TAFA2: variants seen among roughly 807,000 people sequenced by gnomAD.
TAFA2 encodes the protein TAFA chemokine like family member 2.
TAFA2 carries 7 observed loss-of-function variants against 18.8 expected under a neutral mutation model. The ratio of observed to expected loss-of-function variants is 0.37; its 90% CI spans 0.21 to 0.70. The LOEUF is 0.70. TAFA2 is among the 30% of genes least tolerant of loss of function. The pLI is 0.53. For synonymous variants in TAFA2, 60 were observed against 54.2 expected (o/e 1.11, Z -0.47); for missense variants, 122 against 158.1 (o/e 0.77, Z 1.23).
intron 1 of TAFA2, among the ~76,000 whole-genome samples, chr12:62,026,550 C>T (rs17654475): frequency 0.11 from 16,394 of 152,132 alleles, 1,034 homozygotes; most frequent in Non-Finnish European, 0.14. Context: ...TGTACACTTC[C>T]TTGTTTTTCT....
chr12:61,801,576 A>T (rs1043887834), intron 2 of TAFA2, among the ~76,000 whole-genome samples: 2 of 151,960 alleles, frequency 1.3e-5, no homozygotes, highest in African/African-American at 4.8e-5. Context: ...ATGAAACCAA[A>T]CCCCTATCTC....
chr12:61,736,907 AATAAAT>A (rs1159625894), intron 4 of TAFA2, among the ~76,000 whole-genome samples: 2 of 152,026 alleles, frequency 1.3e-5, no homozygotes, highest in African/African-American at 4.8e-5. Context: ...TCAAGTTGCT[AATAAAT>A]GTTAAAGTTT....
chr12:62,234,967 C>A, intron 1 of TAFA2: 1 of 694,956 alleles, frequency 1.4e-6, no homozygotes, highest in Non-Finnish European at 2.7e-6. Flanking sequence ...ATGGTCGAGG[C>A]CAACAATGTT....
At chr12:62,239,510 TG>T (rs891127837) in intron 1 of TAFA2, among the ~76,000 whole-genome samples, 1 of 152,198 alleles carries the variant, frequency 6.6e-6, no homozygotes, top group African/African-American at 2.4e-5. Context: ...GGTGGACAAT[TG>T]TGACTAGTTC....
At chr12:61,928,252 A>G (rs1322851884) in intron 1 of TAFA2, among the ~76,000 whole-genome samples, 2 of 152,230 alleles carry the variant, frequency 1.3e-5, no homozygotes, top group Non-Finnish European at 2.9e-5. Flanking sequence ...AATTTTTGCA[A>G]TCTATCCATC....
chr12:62,062,197 T>C (rs1195844721), intron 1 of TAFA2, among the ~76,000 whole-genome samples: 3 of 151,998 alleles, frequency 2.0e-5, no homozygotes, highest in African/African-American at 4.8e-5. Context: ...ATGCAAAACA[T>C]AAAACTCCCT....
intron 2 of TAFA2, among the ~76,000 whole-genome samples, chr12:61,773,784 A>G (rs1021393269): frequency 5.3e-5 from 8 of 152,054 alleles, no homozygotes; most frequent in Non-Finnish European, 7.4e-5. Flanking sequence ...CCTTCTAGAC[A>G]TTGGCTTAGG....
At chr12:62,054,627 G>A (rs949833834) in intron 1 of TAFA2, among the ~76,000 whole-genome samples, 2 of 152,208 alleles carry the variant, frequency 1.3e-5, no homozygotes, top group African/African-American at 4.8e-5. Context: ...AAATGGATCA[G>A]TTCATACTTA....
intron 4 of TAFA2, 67 bp from the exon 5 acceptor site, chr12:61,710,484 A>G: frequency 7.6e-7 from 1 of 1,321,640 alleles, no homozygotes; most frequent in Non-Finnish European, 1.1e-6. Flanking sequence ...ACTAAACACA[A>G]TTAAAAATTA....
chr12:62,186,129 C>T (rs2136956435), intron 1 of TAFA2, among the ~76,000 whole-genome samples: 1 of 152,222 alleles, frequency 6.6e-6, no homozygotes, highest in African/African-American at 2.4e-5. Context: ...CATAATCCAC[C>T]CAAAGAAAGT....
At chr12:61,785,440 G>A (rs1018204445) in intron 2 of TAFA2, among the ~76,000 whole-genome samples, 2 of 150,674 alleles carry the variant, frequency 1.3e-5, no homozygotes, top group African/African-American at 4.9e-5. Context: ...TAATCTGAGG[G>A]TCACTTTATT....
chr12:62,223,962 G>A (rs1252691103), intron 1 of TAFA2, among the ~76,000 whole-genome samples: 1 of 152,036 alleles, frequency 6.6e-6, no homozygotes, highest in Non-Finnish European at 1.5e-5. Context: ...ATTGAAAGGA[G>A]GGACTTGAAT....
intron 1 of TAFA2, among the ~76,000 whole-genome samples, chr12:62,090,330 G>A (rs1868656224): frequency 6.6e-6 from 1 of 152,022 alleles, no homozygotes; most frequent in African/African-American, 2.4e-5. Flanking sequence ...TGCCTTGGCA[G>A]TCATTTACAC....
intron 1 of TAFA2, among the ~76,000 whole-genome samples, chr12:62,030,781 G>C (rs567146718): frequency 6.6e-6 from 1 of 152,124 alleles, no homozygotes; most frequent in Non-Finnish European, 1.5e-5. Context: ...GAGGTTTGTT[G>C]TTGTTGTTGT....
intron 1 of TAFA2, among the ~76,000 whole-genome samples, chr12:61,867,682 A>G (rs1435915014): frequency 6.6e-6 from 1 of 152,148 alleles, no homozygotes; most frequent in South Asian, 2.1e-4. Flanking sequence ...CACAGCCTAA[A>G]TCAGTTTGGA....
At chr12:62,097,014 C>G (rs763908944) in intron 1 of TAFA2, among the ~76,000 whole-genome samples, 1 of 152,090 alleles carries the variant, frequency 6.6e-6, no homozygotes, top group East Asian at 1.9e-4. Flanking sequence ...TTTAACACCC[C>G]CTTGCTATTT....
chr12:61,913,568 G>A (rs188373207), intron 1 of TAFA2, among the ~76,000 whole-genome samples: 15 of 152,256 alleles, frequency 9.9e-5, no homozygotes, highest in African/African-American at 3.6e-4. Context: ...CTATTTTATA[G>A]GCTAGAAGCC....
At chr12:62,095,820 G>A (rs1439896705) in intron 1 of TAFA2, among the ~76,000 whole-genome samples, 5 of 152,076 alleles carry the variant, frequency 3.3e-5, no homozygotes, top group Admixed American at 1.3e-4. Context: ...GGTAAAGAAC[G>A]CTTTTTGCCA....
intron 1 of TAFA2, among the ~76,000 whole-genome samples, chr12:62,183,201 C>T (rs1012536425): frequency 3.3e-5 from 5 of 152,130 alleles, no homozygotes; most frequent in African/African-American, 9.7e-5. Context: ...AGAGATGATA[C>T]CTGTTCCCCC....
Sources: allele counts gnomAD v4.1 joint callset (sites outside exome capture counted in the v4.1 genomes callset), GRCh38; gene constraint gnomAD v4.1.1; transcripts MANE v1.5; gene names NCBI Gene and HGNC (gene_info 2026-07-23, HGNC 2026-07-21).